Variants in TPD52 observed in about 807,000 individuals in gnomAD.
The protein encoded by TPD52 is prostate and colon associated protein.
Under a neutral mutation model 31.3 loss-of-function variants are expected in TPD52, and 17 were observed. The observed-to-expected ratio is 0.54, with a 90% confidence interval of 0.37 to 0.82. The LOEUF (loss-of-function observed/expected upper bound fraction) is 0.82. Among genes scored for constraint, TPD52 ranks in the 40% least tolerant of loss-of-function variants. The pLI is 0.00. For missense variants in TPD52, 212 were observed against 240.1 expected, an observed-to-expected ratio of 0.88 and a Z score of 0.77; for synonymous variants, 83 against 89.6, an observed-to-expected ratio of 0.93 and a Z score of 0.42.
At chr8:80,130,144 G>C (rs1181627804) in intron 1 of TPD52, among the ~76,000 whole-genome samples, 3 of 152,208 alleles carry the variant, frequency 2.0e-5, no homozygotes, top group Non-Finnish European at 4.4e-5. Context: ...AAGAGCATCT[G>C]CTGAGATGAA....
chr8:80,057,538 G>A (rs1416899782), intron 2 of TPD52, among the ~76,000 whole-genome samples: 2 of 152,192 alleles, frequency 1.3e-5, no homozygotes, highest in Non-Finnish European at 2.9e-5. Flanking sequence ...ACAGCTGGAG[G>A]CCATCTTCCT....
At chr8:80,164,024 C>CAGAGAGAGAGAGAGAG in intron 1 of TPD52, among the ~76,000 whole-genome samples, 1 of 110,312 alleles carries the variant, frequency 9.1e-6, no homozygotes, top group Non-Finnish European at 2.0e-5. Context: ...GAGAGAGAGA[C>CAGAGAGAGAGAGAGAG]AGAGAGAGAG....
chr8:80,124,624 G>C (rs1331728876), intron 1 of TPD52, among the ~76,000 whole-genome samples: 1 of 152,166 alleles, frequency 6.6e-6, no homozygotes, highest in African/African-American at 2.4e-5. Flanking sequence ...ACAATTGATA[G>C]TGTCTTAAAT....
intron 1 of TPD52, among the ~76,000 whole-genome samples, chr8:80,129,468 G>A (rs1484404435): frequency 2.0e-5 from 3 of 152,164 alleles, no homozygotes; most frequent in African/African-American, 7.2e-5. Flanking sequence ...TACACGGGAC[G>A]TAGAATGCTG....
intron 1 of TPD52, among the ~76,000 whole-genome samples, chr8:80,163,696 G>A (rs1450093858): frequency 6.6e-6 from 1 of 152,112 alleles, no homozygotes; most frequent in Non-Finnish European, 1.5e-5. Context: ...GCATCGAAAA[G>A]CTTACATATA....
chr8:80,066,404 G>A (rs143867473), intron 1 of TPD52, among the ~76,000 whole-genome samples: 14 of 152,044 alleles, frequency 9.2e-5, no homozygotes, highest in East Asian at 1.9e-4. Flanking sequence ...ACCACAAATC[G>A]GACTGGCAAA....
intron 1 of TPD52, among the ~76,000 whole-genome samples, chr8:80,164,898 CAAAAAAAA>C (rs34027501): frequency 0.015 from 484 of 31,866 alleles, 2 homozygotes; most frequent in African/African-American, 0.051. Context: ...GACAATGTCT[CAAAAAAAA>C]AAAAAAAAAA....
At chr8:80,094,454 A>G (rs1382492018) in intron 1 of TPD52, among the ~76,000 whole-genome samples, 2 of 74,748 alleles carry the variant, frequency 2.7e-5, no homozygotes, top group African/African-American at 6.0e-5. Context: ...ATATATATAT[A>G]TATATATATA....
rs1040734942 is a variant in TPD52 at position 80,037,622 on chromosome 8, CTAG to C, written c.*491_*493del. 6.6e-6 allele frequency: 1 copy of C among 152,268 alleles called. No homozygotes were observed. Among genetic ancestry groups the C allele is most frequent in the African/African-American group, 2.4e-5 (1 of 41,414 alleles). 9.4% of individuals were successfully genotyped at this position (152,268 alleles called of 1,614,324 possible). ...GCTTATTCCAAAATATTTTTTGTAG[CTAG>C]TAGTTCTTTCCTTGGAGGTAAAGAA... On this transcript the variant is annotated 3_prime_UTR_variant, in exon 8 of 8. Coordinates refer to ENST00000518937, the MANE Select transcript of TPD52 (RefSeq NM_001025253.3).
intron 1 of TPD52, among the ~76,000 whole-genome samples, chr8:80,094,482 A>G (rs190038238): frequency 0.081 from 8,471 of 104,904 alleles, 1,147 homozygotes; most frequent in African/African-American, 0.25. Flanking sequence ...ATATATATAT[A>G]TATGTATGTA....
At chr8:80,106,508 C>T (rs1466856659) in intron 1 of TPD52, among the ~76,000 whole-genome samples, 1 of 151,938 alleles carries the variant, frequency 6.6e-6, no homozygotes, top group Non-Finnish European at 1.5e-5. Context: ...AGGTGCACGC[C>T]ACCACACCCG....
At chr8:80,095,225 CAAAG>C (rs1001681196) in intron 1 of TPD52, among the ~76,000 whole-genome samples, 1 of 152,048 alleles carries the variant, frequency 6.6e-6, no homozygotes, top group Non-Finnish European at 1.5e-5. Context: ...TGAAAAAACA[CAAAG>C]AAACTTTAAA....
At chr8:80,126,441 G>C (rs1405260859) in intron 1 of TPD52, among the ~76,000 whole-genome samples, 1 of 146,636 alleles carries the variant, frequency 6.8e-6, no homozygotes, top group East Asian at 2.0e-4. Flanking sequence ...GACTGAAACA[G>C]TAAACAATGC....
chr8:80,057,412 T>C (rs868689887), intron 2 of TPD52, among the ~76,000 whole-genome samples: 4 of 152,144 alleles, frequency 2.6e-5, no homozygotes, highest in Non-Finnish European at 4.4e-5. Flanking sequence ...CTATTCACAA[T>C]AGCAAAGACA....
At chr8:80,075,369 C>A (rs1259706904) in intron 1 of TPD52, among the ~76,000 whole-genome samples, 1 of 152,172 alleles carries the variant, frequency 6.6e-6, no homozygotes, top group Non-Finnish European at 1.5e-5. Flanking sequence ...GGAGCCACAT[C>A]GGGTGCAAAG....
At chr8:80,072,038 C>T (rs1400377241) in intron 1 of TPD52, among the ~76,000 whole-genome samples, 5 of 152,108 alleles carry the variant, frequency 3.3e-5, no homozygotes, top group African/African-American at 9.7e-5. Flanking sequence ...AGGCCGGGCG[C>T]GGTGGCTCAC....
intron 1 of TPD52, among the ~76,000 whole-genome samples, chr8:80,096,061 G>A (rs768209185): frequency 3.3e-5 from 5 of 152,178 alleles, no homozygotes; most frequent in Non-Finnish European, 5.9e-5. Flanking sequence ...TTTGAGGCCA[G>A]CCTGGGTAAC....
At chr8:80,119,324 T>C (rs543980265) in intron 1 of TPD52, among the ~76,000 whole-genome samples, 1 of 152,310 alleles carries the variant, frequency 6.6e-6, no homozygotes, top group East Asian at 1.9e-4. Flanking sequence ...TTTGGGTTGA[T>C]GTTCTAAAAT....
At chr8:80,163,661 T>C (rs1811512052) in intron 1 of TPD52, among the ~76,000 whole-genome samples, 1 of 152,202 alleles carries the variant, frequency 6.6e-6, no homozygotes, top group Non-Finnish European at 1.5e-5. Flanking sequence ...ACAGTTATGT[T>C]TTCCAGAATG....
Sources: gnomAD v4.1 joint callset for allele counts (sites outside exome capture counted in the v4.1 genomes callset) on GRCh38, gnomAD v4.1.1 for gene constraint, MANE v1.5 for transcripts, NCBI Gene and HGNC (gene_info 2026-07-23, HGNC 2026-07-21) for gene names.